The following ARHGEF10 variants were observed in gnomAD, a reference collection of about 807,000 sequenced individuals.
The protein encoded by ARHGEF10 is Rho guanine nucleotide exchange factor (GEF) 10.
A neutral mutation model predicts 147.4 loss-of-function variants in ARHGEF10; 140 were observed. The observed-to-expected ratio is 0.95, with a 90% CI of 0.83 to 1.09. The LOEUF is 1.09. ARHGEF10 is among the 50% of genes least tolerant of loss of function. The pLI, the probability that ARHGEF10 is intolerant of heterozygous loss-of-function variation, is 0.00. For missense variants in ARHGEF10, 2,222 were observed against 1,752.7 expected (o/e 1.27, Z -4.78); for synonymous variants, 902 against 695.8 (o/e 1.30, Z -4.67).
At chr8:1,872,419 G>A (rs901817127) in intron 7 of ARHGEF10, among the ~76,000 whole-genome samples, 1 of 152,178 alleles carries the variant, frequency 6.6e-6, no homozygotes, top group Non-Finnish European at 1.5e-5. Flanking sequence ...AGTTTATAAT[G>A]TTAGCAGAAA....
chr8:1,866,669 C>T (rs576827197), intron 6 of ARHGEF10, 67 bp downstream of exon 6: 32 of 1,463,080 alleles, frequency 2.2e-5, no homozygotes, highest in South Asian at 3.4e-5. Flanking sequence ...GCGGCGGGGC[C>T]GGGTCCCTGA....
chr8:1,831,228 G>T (rs957491310), intron 1 of ARHGEF10, among the ~76,000 whole-genome samples: 1 of 147,524 alleles, frequency 6.8e-6, no homozygotes, highest in Non-Finnish European at 1.5e-5. Context: ...AGCCGTGGAG[G>T]GACAGTGTGA....
At chr8:1,861,376 G>A (rs1395711535) in intron 4 of ARHGEF10, among the ~76,000 whole-genome samples, 1 of 152,240 alleles carries the variant, frequency 6.6e-6, no homozygotes, top group Non-Finnish European at 1.5e-5. Context: ...TGTAGGGCCA[G>A]GCGCCAGGGT....
Position 1,898,420 on chromosome 8 carries a change from C to T in ARHGEF10, c.1558-13C>T. 1.2e-6 allele frequency: 2 copies of T among 1,613,502 alleles called. No homozygotes were observed. The highest frequency in any genetic ancestry group is 1.7e-6 in the Non-Finnish European group (2 of 1,179,626). On this transcript the variant is annotated splice_polypyrimidine_tract_variant and intron_variant, in intron 14 of 28. Coordinates refer to ENST00000349830, the MANE Select transcript of ARHGEF10 (RefSeq NM_014629.4). ...GCCCTGCAGGGAGGTGACCCCGGTG[C>T]CTTCCCCCACAGCAGGAACAGGAGG...
intron 16 of ARHGEF10, 55 bp downstream of exon 16, chr8:1,903,506 T>C: frequency 1.9e-6 from 3 of 1,598,684 alleles, no homozygotes; most frequent in African/African-American, 2.7e-5. Flanking sequence ...TTTGTGCTAA[T>C]AAGCTGTCGT....
intron 25 of ARHGEF10, 138 bp downstream of exon 25, chr8:1,929,581 GCCCAA>G: frequency 9.7e-7 from 1 of 1,029,760 alleles, no homozygotes; most frequent in Non-Finnish European, 1.4e-6. Context: ...CGTCACCCTT[GCCCAA>G]GGCCCGGGTG....
chr8:1,860,350 G>T (rs372102236), intron 4 of ARHGEF10, among the ~76,000 whole-genome samples, 166 bp downstream of exon 4: 2 of 148,228 alleles, frequency 1.3e-5, no homozygotes, highest in African/African-American at 2.5e-5. Context: ...CCATGCCCCC[G>T]ATGTGGCCTG....
chr8:1,940,030 G>A (rs1231639598), intron 26 of ARHGEF10, among the ~76,000 whole-genome samples: 1 of 152,190 alleles, frequency 6.6e-6, no homozygotes, highest in African/African-American at 2.4e-5. Flanking sequence ...CGGGGTGCGA[G>A]ACGCTTGGAT....
chr8:1,952,582 A>T (rs1402965416), intron 27 of ARHGEF10, 123 bp from the exon 28 acceptor site: 3 of 1,354,036 alleles, frequency 2.2e-6, no homozygotes, highest in Non-Finnish European at 3.1e-6. Flanking sequence ...CCTGTGCCAC[A>T]TCCTGCCCCT....
chr8:1,876,333 G>A (rs531951345), intron 7 of ARHGEF10: 24 of 579,376 alleles, frequency 4.1e-5, no homozygotes, highest in African/African-American at 3.7e-4. Context: ...ATGGGGCAGG[G>A]GCACTTGTGA....
At chr8:1,843,994 C>T (rs936189993) in intron 2 of ARHGEF10, among the ~76,000 whole-genome samples, 2 of 152,190 alleles carry the variant, frequency 1.3e-5, no homozygotes, top group African/African-American at 4.8e-5. Context: ...GTTGCCAGCT[C>T]GCGCTCCGGC....
At chr8:1,847,925 T>G (rs2129055972) in intron 2 of ARHGEF10, among the ~76,000 whole-genome samples, 1 of 152,330 alleles carries the variant, frequency 6.6e-6, no homozygotes, top group Middle Eastern at 3.4e-3. Context: ...AATCTTGTTC[T>G]CAGTGTGTTA....
At chr8:1,924,957 A>C (rs1345807544) in intron 21 of ARHGEF10, among the ~76,000 whole-genome samples, 1 of 152,172 alleles carries the variant, frequency 6.6e-6, no homozygotes, top group Admixed American at 6.6e-5. Flanking sequence ...CTTTGGAAAA[A>C]CTGGAGAAAG....
intron 26 of ARHGEF10, among the ~76,000 whole-genome samples, chr8:1,934,526 T>C (rs1300909788): frequency 1.3e-5 from 2 of 152,224 alleles, no homozygotes; most frequent in African/African-American, 4.8e-5. Flanking sequence ...AGTATGAACC[T>C]GTAGAGTCCT....
At chr8:1,935,249 T>C (rs1813487110) in intron 26 of ARHGEF10, among the ~76,000 whole-genome samples, 1 of 151,824 alleles carries the variant, frequency 6.6e-6, no homozygotes, top group Admixed American at 6.6e-5. Flanking sequence ...CCTGGAGTGG[T>C]GCGTTTGTTA....
In ARHGEF10 at chr8:1,882,605, C is replaced by G. The variant is rs777652484; in HGVS notation, c.961-30C>G. On this transcript the variant is annotated intron_variant, in intron 9 of 28. Coordinates refer to ENST00000349830, the MANE Select transcript of ARHGEF10 (RefSeq NM_014629.4). ...AGTCGCAGGTGGGTTCTGCCGCCGT[C>G]CCGTTCTCACATCTCCCTCTCCGTC... is the stretch of plus-strand genomic sequence containing the variant. The G allele has an allele frequency of 9.8e-6, 15 of 1,538,328 alleles. No homozygotes were observed. In the East Asian group the frequency reaches 2.7e-4, roughly 28 times the overall value.
intron 7 of ARHGEF10, among the ~76,000 whole-genome samples, chr8:1,874,834 C>CTGGGGAGCATAGGGGTGCTTTTCT (rs1807531325): frequency 7.1e-6 from 1 of 140,306 alleles, no homozygotes; most frequent in Non-Finnish European, 1.6e-5. Flanking sequence ...GAGACACACA[C>CTGGGGAGCATAGGGGTGCTTTTCT]CACGGCGTGT....
upstream of ARHGEF10, among the ~76,000 whole-genome samples, chr8:1,823,578 C>G (rs1418687033): frequency 6.6e-6 from 1 of 152,056 alleles, no homozygotes; most frequent in Non-Finnish European, 1.5e-5. Flanking sequence ...GGGCGCAGCT[C>G]TGAGCCGGGA....
At chr8:1,876,300 G>C in intron 7 of ARHGEF10, 1 of 525,864 alleles carries the variant, frequency 1.9e-6, no homozygotes. Context: ...GATGCCCATA[G>C]CCAGGTGGTC....
Sources: gnomAD v4.1 joint callset for allele counts (sites outside exome capture counted in the v4.1 genomes callset) on GRCh38, gnomAD v4.1.1 for gene constraint, MANE v1.5 for transcripts, NCBI Gene and HGNC (gene_info 2026-07-23, HGNC 2026-07-21) for gene names.